The following CNTNAP5 variants were observed in gnomAD, a reference collection of about 807,000 sequenced individuals.
CNTNAP5 encodes the protein contactin-associated protein-like 5.
CNTNAP5 carries 72 observed loss-of-function variants against 150.2 expected under a neutral mutation model. That is an observed-to-expected ratio of 0.48 (90% CI 0.40 to 0.58). The LOEUF (loss-of-function observed/expected upper bound fraction) is 0.58. Among genes scored for constraint, CNTNAP5 ranks in the 20% least tolerant of loss-of-function variants. The pLI, the probability that CNTNAP5 is intolerant of heterozygous loss-of-function variation, is 0.00. For missense variants in CNTNAP5, 1,636 were observed against 1,626.2 expected (o/e 1.01, Z -0.10); for synonymous variants, 672 against 619.8 (o/e 1.08, Z -1.25).
At chr2:124,036,169 C>A (rs1408558948) in intron 1 of CNTNAP5, among the ~76,000 whole-genome samples, 1 of 151,844 alleles carries the variant, frequency 6.6e-6, no homozygotes, top group Non-Finnish European at 1.5e-5. Context: ...CATGATCCAC[C>A]CGCCTCGGCC....
At chr2:124,846,152 A>G (rs1169585149) in intron 19 of CNTNAP5, among the ~76,000 whole-genome samples, 1 of 152,084 alleles carries the variant, frequency 6.6e-6, no homozygotes, top group Non-Finnish European at 1.5e-5. Flanking sequence ...AATGCCATAA[A>G]CTTTCCTCTT....
intron 1 of CNTNAP5, among the ~76,000 whole-genome samples, chr2:124,039,270 G>T (rs1204593774): frequency 6.6e-6 from 1 of 152,134 alleles, no homozygotes; most frequent in Admixed American, 6.5e-5. Context: ...TCCAAAAAAG[G>T]AATCTCATGT....
intron 7 of CNTNAP5, among the ~76,000 whole-genome samples, chr2:124,491,182 T>G (rs889096378): frequency 6.6e-6 from 1 of 152,118 alleles, no homozygotes; most frequent in Admixed American, 6.6e-5. Flanking sequence ...ATCTTATAAT[T>G]GAAAGTTTGT....
chr2:124,655,718 C>A (rs1051536573), intron 13 of CNTNAP5, among the ~76,000 whole-genome samples: 2 of 151,666 alleles, frequency 1.3e-5, no homozygotes, highest in East Asian at 1.9e-4. Flanking sequence ...GGCAACAAAG[C>A]AAGACCTTGA....
chr2:124,274,505 C>T (rs1028622044), intron 3 of CNTNAP5, among the ~76,000 whole-genome samples: 27 of 151,630 alleles, frequency 1.8e-4, no homozygotes, highest in Admixed American at 8.5e-4. Flanking sequence ...TTTTTTTTTC[C>T]GCTGGCCAGG....
intron 13 of CNTNAP5, among the ~76,000 whole-genome samples, chr2:124,673,700 G>T (rs1486536369): frequency 6.7e-6 from 1 of 150,344 alleles, no homozygotes. Context: ...TTATTTTTCT[G>T]ATTTTATAGA....
At chr2:124,636,108 G>A (rs1207353578) in intron 12 of CNTNAP5, among the ~76,000 whole-genome samples, 1 of 152,220 alleles carries the variant, frequency 6.6e-6, no homozygotes, top group South Asian at 2.1e-4. Flanking sequence ...GCTTGTAATT[G>A]AAAAACATCT....
At chr2:124,492,796 A>G (rs960522258) in intron 7 of CNTNAP5, among the ~76,000 whole-genome samples, 3 of 151,520 alleles carry the variant, frequency 2.0e-5, no homozygotes, top group Admixed American at 1.3e-4. Flanking sequence ...TAGAAATTCA[A>G]CTTATTTTTG....
chr2:124,521,726 A>C (rs1694850405), intron 8 of CNTNAP5, among the ~76,000 whole-genome samples: 1 of 152,232 alleles, frequency 6.6e-6, no homozygotes, highest in African/African-American at 2.4e-5. Context: ...GTTTACCTGC[A>C]AATGCAGTCC....
At chr2:124,503,698 A>G (rs1694331080) in intron 7 of CNTNAP5, among the ~76,000 whole-genome samples, 1 of 152,062 alleles carries the variant, frequency 6.6e-6, no homozygotes, top group African/African-American at 2.4e-5. Flanking sequence ...TACCTCCTTT[A>G]TGCTACCCGG....
chr2:124,077,992 A>G (rs1161886042), intron 1 of CNTNAP5, among the ~76,000 whole-genome samples: 1 of 152,366 alleles, frequency 6.6e-6, no homozygotes. Flanking sequence ...AAAAATGACA[A>G]TGAAGTCAAA....
At chr2:124,336,062 T>C (rs75416818) in intron 3 of CNTNAP5, among the ~76,000 whole-genome samples, 7 of 151,744 alleles carry the variant, frequency 4.6e-5, no homozygotes, top group African/African-American at 1.7e-4. Flanking sequence ...AAAAAAAACC[T>C]AGGCAATTCT....
At chr2:124,370,175 T>C (rs1224721184) in intron 3 of CNTNAP5, among the ~76,000 whole-genome samples, 2 of 152,186 alleles carry the variant, frequency 1.3e-5, no homozygotes, top group South Asian at 2.1e-4. Context: ...AGTGAGAAAA[T>C]ACTTCACAAA....
chr2:124,199,990 G>A (rs918589123), intron 1 of CNTNAP5, among the ~76,000 whole-genome samples: 4 of 151,930 alleles, frequency 2.6e-5, no homozygotes, highest in Admixed American at 6.6e-5. Context: ...TTGCTGGCTC[G>A]GACCTCATTT....
rs1434164598 is a variant in CNTNAP5 at position 124,920,474 on chromosome 2, C to A, written c.*6186C>A. 6.6e-6 allele frequency among the ~76,000 whole-genome samples: 1 copy of A among 152,062 alleles called. No homozygotes were observed. The highest frequency in any genetic ancestry group is 1.5e-5 in the Non-Finnish European group (1 of 67,990). ...GTAGTATCAACCTGTGTAACCTTGTCCTGCCTTAAATACTGTTGCAAAAAA... is the reference window on the plus strand; with the variant it reads ...GTAGTATCAACCTGTGTAACCTTGTACTGCCTTAAATACTGTTGCAAAAAA... On this transcript the variant is annotated 3_prime_UTR_variant, in exon 24 of 24. Transcript: ENST00000682447.
At chr2:124,890,456 T>TC (rs1044961950) in intron 21 of CNTNAP5, among the ~76,000 whole-genome samples, 70 of 152,228 alleles carry the variant, frequency 4.6e-4, no homozygotes, top group African/African-American at 1.7e-3. Context: ...GCTGGTTGGT[T>TC]CCCTTAATGT....
chr2:124,100,494 C>G (rs1683038548), intron 1 of CNTNAP5, among the ~76,000 whole-genome samples: 1 of 152,134 alleles, frequency 6.6e-6, no homozygotes, highest in Admixed American at 6.5e-5. Flanking sequence ...ATTCAGGATT[C>G]AAATCTAGCA....
At chr2:124,762,572 A>G (rs1680981191) in intron 14 of CNTNAP5, among the ~76,000 whole-genome samples, 1 of 152,136 alleles carries the variant, frequency 6.6e-6, no homozygotes, top group South Asian at 2.1e-4. Flanking sequence ...ATCTCTTTTA[A>G]ACCCATCAGT....
intron 2 of CNTNAP5, among the ~76,000 whole-genome samples, chr2:124,230,512 G>GTGTA (rs1553449758): frequency 2.0e-4 from 19 of 93,692 alleles, no homozygotes; most frequent in African/African-American, 7.1e-4. Flanking sequence ...GTGTGTGTGT[G>GTGTA]TATATATATA....
Sources: gnomAD v4.1 joint callset for allele counts (sites outside exome capture counted in the v4.1 genomes callset) on GRCh38, gnomAD v4.1.1 for gene constraint, MANE v1.5 for transcripts, NCBI Gene and HGNC (gene_info 2026-07-23, HGNC 2026-07-21) for gene names.